Variants in KIAA1549L observed in about 807,000 individuals in gnomAD.
KIAA1549L encodes KIAA1549 like.
Under a neutral mutation model 160.7 loss-of-function variants are expected in KIAA1549L, and 88 were observed. The ratio of observed to expected loss-of-function variants is 0.55; its 90% CI spans 0.46 to 0.65. The LOEUF (loss-of-function observed/expected upper bound fraction) is 0.65, where lower values mean the gene tolerates loss of function less well. KIAA1549L is among the 30% of genes least tolerant of loss of function. The pLI is 0.00. For synonymous variants in KIAA1549L, 950 were observed against 976.7 expected (o/e 0.97, Z 0.51); for missense variants, 2,258 against 2,437.5 (o/e 0.93, Z 1.55).
intron 1 of KIAA1549L, among the ~76,000 whole-genome samples, chr11:33,538,610 T>G (rs1853945813): frequency 6.6e-6 from 1 of 152,126 alleles, no homozygotes; most frequent in South Asian, 2.1e-4. Flanking sequence ...ATAATGGTGG[T>G]TATCTCTGGG....
intron 12 of KIAA1549L, among the ~76,000 whole-genome samples, chr11:33,597,423 G>A (rs1565204326): frequency 1.3e-5 from 2 of 152,156 alleles, no homozygotes; most frequent in South Asian, 4.1e-4. Flanking sequence ...AGGAGCATCC[G>A]GAAGGATACA....
chr11:33,485,554 CA>C (rs1852506229), intron 1 of KIAA1549L, among the ~76,000 whole-genome samples: 2 of 151,766 alleles, frequency 1.3e-5, no homozygotes, highest in Admixed American at 1.3e-4. Context: ...TTATGGTGTA[CA>C]ATATGATGAT....
chr11:33,378,486 G>A (rs552455746), intron 1 of KIAA1549L, among the ~76,000 whole-genome samples: 5 of 152,276 alleles, frequency 3.3e-5, no homozygotes, highest in African/African-American at 1.2e-4. Flanking sequence ...TTTAGCCCTG[G>A]TGTCCTCTTT....
intron 1 of KIAA1549L, among the ~76,000 whole-genome samples, chr11:33,476,824 A>G (rs180713392): frequency 8.5e-4 from 130 of 152,312 alleles, no homozygotes; most frequent in African/African-American, 2.4e-3. Flanking sequence ...ACCCTGTCTT[A>G]TCTTTGCTTT....
chr11:33,636,826 G>A (rs1851450963), intron 16 of KIAA1549L, among the ~76,000 whole-genome samples: 1 of 152,118 alleles, frequency 6.6e-6, no homozygotes, highest in African/African-American at 2.4e-5. Context: ...GGGGGTCTTG[G>A]AACATTTTCC....
At chr11:33,615,922 G>A (rs1012967652) in intron 15 of KIAA1549L, among the ~76,000 whole-genome samples, 2 of 152,198 alleles carry the variant, frequency 1.3e-5, no homozygotes, top group Non-Finnish European at 2.9e-5. Flanking sequence ...TCTCGAGTCT[G>A]CAGAAGGTGT....
At chr11:33,620,088 G>A (rs1476655193) in intron 16 of KIAA1549L, among the ~76,000 whole-genome samples, 2 of 152,156 alleles carry the variant, frequency 1.3e-5, no homozygotes, top group South Asian at 2.1e-4. Context: ...TGGGTCAGAG[G>A]TTTCCCTAAT....
chr11:33,624,824 T>C (rs1244272913), intron 16 of KIAA1549L, among the ~76,000 whole-genome samples: 2 of 151,482 alleles, frequency 1.3e-5, no homozygotes, highest in African/African-American at 2.4e-5. Context: ...TAGATACATA[T>C]GTATACATGT....
At chr11:33,516,669 A>G (rs1853351094) in intron 1 of KIAA1549L, among the ~76,000 whole-genome samples, 1 of 152,068 alleles carries the variant, frequency 6.6e-6, no homozygotes, top group African/African-American at 2.4e-5. Flanking sequence ...TTTTCTTCCT[A>G]ATTATTCAGT....
intron 1 of KIAA1549L, among the ~76,000 whole-genome samples, chr11:33,463,689 C>T (rs1322505166): frequency 6.6e-6 from 1 of 152,138 alleles, no homozygotes; most frequent in African/African-American, 2.4e-5. Context: ...GGAGAGACTG[C>T]CTTATGTCAT....
intron 13 of KIAA1549L, among the ~76,000 whole-genome samples, chr11:33,604,079 G>A (rs933836471): frequency 9.2e-5 from 14 of 152,154 alleles, no homozygotes; most frequent in Admixed American, 5.2e-4. Flanking sequence ...GCTCAGAGGT[G>A]GAAGGTTGTT....
rs547306550 is a variant in KIAA1549L, at chr11:33,589,696, G to T, written c.4567-1541G>T. Among the ~76,000 whole-genome samples, 138 of 151,924 alleles carry T rather than the reference G, an allele frequency of 9.1e-4. 2 individuals are homozygous for T. The highest frequency in any genetic ancestry group is 1.5e-3 in the Non-Finnish European group (104 of 67,980). On this transcript the variant is annotated intron_variant, in intron 11 of 20. Coordinates refer to ENST00000658780, the MANE Select transcript of KIAA1549L (RefSeq NM_012194.3). ...AAGCACCGCATGTTCTCACTCATAGGTGGGAATTGAACAATGAGAACACTT... is the reference window on the plus strand; with the variant it reads ...AAGCACCGCATGTTCTCACTCATAGTTGGGAATTGAACAATGAGAACACTT...
chr11:33,618,175 A>C (rs183041678), intron 15 of KIAA1549L, among the ~76,000 whole-genome samples: 3 of 152,264 alleles, frequency 2.0e-5, no homozygotes, highest in Non-Finnish European at 4.4e-5. Context: ...AACAAAGTCA[A>C]CAAAGGCAAG....
intron 1 of KIAA1549L, among the ~76,000 whole-genome samples, chr11:33,417,115 G>A (rs1026924791): frequency 6.6e-6 from 1 of 152,184 alleles, no homozygotes; most frequent in African/African-American, 2.4e-5. Context: ...ATGCAACTGA[G>A]AAATTAAATT....
intron 1 of KIAA1549L, among the ~76,000 whole-genome samples, chr11:33,428,399 C>T (rs1365900894): frequency 6.6e-6 from 1 of 152,140 alleles, no homozygotes; most frequent in East Asian, 1.9e-4. Flanking sequence ...GTTTGTTGCA[C>T]CCATCAACTC....
At chr11:33,533,464 T>C (rs1262231648) in intron 1 of KIAA1549L, among the ~76,000 whole-genome samples, 1 of 152,216 alleles carries the variant, frequency 6.6e-6, no homozygotes, top group African/African-American at 2.4e-5. Flanking sequence ...TGCTCTCTGA[T>C]GCGTTTAGTT....
At chr11:33,524,268 T>A (rs1853561658) in intron 1 of KIAA1549L, among the ~76,000 whole-genome samples, 1 of 152,154 alleles carries the variant, frequency 6.6e-6, no homozygotes, top group Admixed American at 6.5e-5. Flanking sequence ...CATAATTATT[T>A]TATTTTCTTC....
intron 20 of KIAA1549L, among the ~76,000 whole-genome samples, chr11:33,665,898 G>A (rs1188945272): frequency 6.6e-6 from 1 of 152,190 alleles, no homozygotes; most frequent in Admixed American, 6.5e-5. Context: ...TGAGGATGCA[G>A]GCTGATGCCC....
At chr11:33,598,496 G>C (rs1030543847) in intron 12 of KIAA1549L, among the ~76,000 whole-genome samples, 3 of 152,072 alleles carry the variant, frequency 2.0e-5, no homozygotes, top group Non-Finnish European at 4.4e-5. Context: ...TTAAAAACAG[G>C]CTATGCTGCA....
Sources: gnomAD v4.1 joint callset for allele counts (sites outside exome capture counted in the v4.1 genomes callset) on GRCh38, gnomAD v4.1.1 for gene constraint, MANE v1.5 for transcripts, NCBI Gene and HGNC (gene_info 2026-07-23, HGNC 2026-07-21) for gene names.